CCDC40: variants seen among roughly 807,000 people sequenced by gnomAD.
CCDC40 encodes the protein coiled-coil domain 40 molecular ruler complex subunit, also known as coiled-coil domain-containing protein 40.
In CCDC40, 104 loss-of-function variants were observed where a neutral mutation model predicts 124.5. The observed-to-expected ratio is 0.84, with a 90% CI of 0.71 to 0.98. The LOEUF is 0.98. Ranked by LOEUF, CCDC40 falls within the 50% of genes least tolerant of loss-of-function variation. The probability of loss-of-function intolerance (pLI) is 0.00; values close to 1 mark genes in which losing one functional copy is unlikely to be tolerated. For synonymous variants in CCDC40, 580 were observed against 602.9 expected, an observed-to-expected ratio of 0.96 and a Z score of 0.56; for missense variants, 1,463 against 1,503.9, an observed-to-expected ratio of 0.97 and a Z score of 0.45.
At chr17:80,041,261 A>G (rs2037273356) in intron 3 of CCDC40, among the ~76,000 whole-genome samples, 1 of 152,038 alleles carries the variant, frequency 6.6e-6, no homozygotes, top group Non-Finnish European at 1.5e-5. Flanking sequence ...TAATCCCAGC[A>G]CTTCGGGAGG....
rs945480220 is a variant in CCDC40, at chr17:80,058,421, T to C, written c.1160-73T>C. ...CGGCTGTTCCCTGCTTCCTCCTGGG[T>C]CTCTGCATGGGGGACGCTGGGACAG... On this transcript the variant is annotated intron_variant, in intron 7 of 19. Coordinates refer to ENST00000397545, the MANE Select transcript of CCDC40 (RefSeq NM_017950.4). The surrounding 1 kb of genome is among the most constrained non-coding windows in gnomAD (Gnocchi z 4.2). 12 of 1,425,710 alleles carry C rather than the reference T, an allele frequency of 8.4e-6. No individual in the cohort carries two copies. The African/African-American group carries it at 1.7e-4, about 20-fold the overall frequency. The allele number at this position is 1,425,710 out of a possible 1,614,324, so 88.3% of individuals were successfully genotyped here.
At chr17:80,079,684 A>C (rs1386662979) in intron 10 of CCDC40, among the ~76,000 whole-genome samples, 1 of 151,774 alleles carries the variant, frequency 6.6e-6, no homozygotes, top group East Asian at 1.9e-4. Flanking sequence ...CACTTTGGGA[A>C]GCTGAGGCAG....
At chr17:80,081,292 T>C (rs2038440580) in intron 10 of CCDC40, among the ~76,000 whole-genome samples, 1 of 151,910 alleles carries the variant, frequency 6.6e-6, no homozygotes, top group Admixed American at 6.6e-5. Context: ...GGTTGAGGCA[T>C]GAGACTCGCT....
intron 18 of CCDC40, among the ~76,000 whole-genome samples, chr17:80,096,993 G>A (rs2038821574): frequency 6.6e-6 from 1 of 152,200 alleles, no homozygotes; most frequent in African/African-American, 2.4e-5. Context: ...CAGACCCACT[G>A]CACGGGGAGC....
intron 18 of CCDC40, 88 bp downstream of exon 18, chr17:80,095,539 G>A (rs760771573): frequency 3.8e-6 from 5 of 1,323,268 alleles, no homozygotes; most frequent in Non-Finnish European, 5.3e-6. Flanking sequence ...CTGGGTCCGG[G>A]GTGAGGATGC....
intron 4 of CCDC40, 90 bp downstream of exon 4, chr17:80,047,492 C>G (rs1044271598): frequency 1.4e-6 from 2 of 1,382,640 alleles, no homozygotes; most frequent in Non-Finnish European, 1.0e-6. Flanking sequence ...GTTTGTCATC[C>G]GTTACCTGTT....
chr17:80,059,120 C>A lies in CCDC40; in HGVS notation c.1440+140C>A, dbSNP rs75047487. 0.014 allele frequency: 14,868 copies of A among 1,084,308 alleles called. 885 individuals carry two copies. In the African/African-American group the frequency reaches 0.15, roughly 11 times the overall value. The allele number at this position is 1,084,308 out of a possible 1,614,324, so 67.2% of individuals were successfully genotyped here. ...CCAGCTTACATCTGCAAACATCGGG[C>A]CCTCCCCATGGTGGGGCCACAGTAG... On this transcript the variant is annotated intron_variant, in intron 9 of 19. Transcript: ENST00000397545.
chr17:80,084,526 C>T (rs1252048181), intron 12 of CCDC40, among the ~76,000 whole-genome samples: 1 of 152,210 alleles, frequency 6.6e-6, no homozygotes, highest in African/African-American at 2.4e-5. Flanking sequence ...ATACCATGAT[C>T]TCTCTTTTCT....
At position 80,084,740 on chromosome 17, in the gene CCDC40, C is replaced by T. The variant is rs2038539632; in HGVS notation, c.1990-3C>T. 1.2e-6 allele frequency: 2 copies of T among 1,613,842 alleles called. No homozygotes were observed. The highest frequency in any genetic ancestry group is 2.7e-5 in the African/African-American group (2 of 74,908). On this transcript the variant is annotated splice_region_variant and splice_polypyrimidine_tract_variant and intron_variant, in intron 12 of 19. Coordinates refer to ENST00000397545, the MANE Select transcript of CCDC40 (RefSeq NM_017950.4). ...TCACAGGTATTTCTTTTCATCAATT[C>T]AGATGACACATCTTTCCAAAATCAA...
chr17:80,087,733 A>G lies in CCDC40; in HGVS notation c.2576A>G (p.Gln859Arg), dbSNP rs373825810. Residue 859 changes from glutamine (Q) to arginine (R), a missense_variant, in exon 15 of 20, where the codon CAG (glutamine) becomes CGG (arginine). Gln to Arg is a conservative substitution (Grantham distance 43, BLOSUM62 1). Coordinates refer to ENST00000397545, the MANE Select transcript of CCDC40 (RefSeq NM_017950.4). This position sits in a 1 kb window ranked among gnomAD's most constrained non-coding sequence, Gnocchi z 4.5. ...KNRCSSEELEQNNRVTENEFV... is the reference protein window; with the variant it reads ...KNRCSSEELERNNRVTENEFV... ...CGGTGCAGCTCGGAGGAGCTGGAGC[A>G]GAACAACCGGGTGACAGAGAATGAG... 8.1e-6 allele frequency: 13 copies of G among 1,614,046 alleles called. No homozygotes were observed. The highest frequency in any genetic ancestry group is 1.0e-5 in the Non-Finnish European group (12 of 1,179,994).
At chr17:80,065,795 T>G (rs1419387075) in intron 10 of CCDC40, among the ~76,000 whole-genome samples, 189 bp downstream of exon 10, 1 of 152,220 alleles carries the variant, frequency 6.6e-6, no homozygotes, top group Non-Finnish European at 1.5e-5. Context: ...TCTTAAATCC[T>G]TTCCAACACT....
chr17:80,059,104 A>G lies in CCDC40; in HGVS notation c.1440+124A>G, dbSNP rs537361821. 2.4e-6 allele frequency: 3 copies of G among 1,237,126 alleles called. No homozygotes were observed. In the South Asian group the frequency reaches 3.7e-5, roughly 15 times the overall value. The allele number at this position is 1,237,126 out of a possible 1,614,324, so 76.6% of individuals were successfully genotyped here. A position where few individuals can be genotyped will look rare whatever the true frequency, so the allele number is the denominator to read the frequency against. ...GGATGAGTGACTGCAGCCAGCTTAC[A>G]TCTGCAAACATCGGGCCCTCCCCAT... is the stretch of plus-strand genomic sequence containing the variant. On this transcript the variant is annotated intron_variant, in intron 9 of 19. Coordinates refer to ENST00000397545, the MANE Select transcript of CCDC40 (RefSeq NM_017950.4).
At chr17:80,044,190 G>A (rs1229208213) in intron 3 of CCDC40, among the ~76,000 whole-genome samples, 3 of 152,086 alleles carry the variant, frequency 2.0e-5, no homozygotes, top group East Asian at 1.9e-4. Context: ...TGCGGCAAAC[G>A]GTAGCTCTTG....
chr17:80,085,845 T>C (rs1192664194), intron 13 of CCDC40, among the ~76,000 whole-genome samples, 158 bp from the exon 14 acceptor site: 2 of 152,040 alleles, frequency 1.3e-5, no homozygotes, highest in Non-Finnish European at 2.9e-5. Context: ...AATTTTTGTA[T>C]TTTGGGTAGA....
chr17:80,092,675 A>G (rs917926265), intron 17 of CCDC40, among the ~76,000 whole-genome samples: 16 of 151,768 alleles, frequency 1.1e-4, no homozygotes, highest in African/African-American at 3.6e-4. Context: ...CAGTGGTGCA[A>G]TCATGGCTCA....
intron 17 of CCDC40, chr17:80,090,775 A>C (rs1271840896): frequency 3.8e-6 from 5 of 1,315,818 alleles, no homozygotes; most frequent in Non-Finnish European, 4.8e-6. Context: ...TAACAGTAAG[A>C]GCAGTTCATA....
chr17:80,049,164 G>A (rs1390914185), intron 5 of CCDC40, among the ~76,000 whole-genome samples: 1 of 151,840 alleles, frequency 6.6e-6, no homozygotes. Context: ...GGAGGCCAAG[G>A]TCTGTGGATC....
intron 9 of CCDC40, among the ~76,000 whole-genome samples, chr17:80,060,026 A>G (rs1281748462): frequency 6.6e-6 from 1 of 152,212 alleles, no homozygotes; most frequent in Non-Finnish European, 1.5e-5. Flanking sequence ...ACAATCCCTT[A>G]GTTAACAAAA....
chr17:80,085,107 T>G (rs2038554778), intron 13 of CCDC40, 119 bp downstream of exon 13: 2 of 1,296,500 alleles, frequency 1.5e-6, no homozygotes, highest in Non-Finnish European at 1.1e-6. Flanking sequence ...ACTGCCTCTT[T>G]CCCTACCTGC....
Sources: allele counts gnomAD v4.1 joint callset (sites outside exome capture counted in the v4.1 genomes callset), GRCh38; gene constraint gnomAD v4.1.1; non-coding constraint Gnocchi (gnomAD v3.1); transcripts MANE v1.5; gene names NCBI Gene and HGNC (gene_info 2026-07-23, HGNC 2026-07-21).